STIM2: variants seen among roughly 807,000 people sequenced by gnomAD.
The protein encoded by STIM2 is stromal interaction molecule 2.
STIM2 carries 31 observed loss-of-function variants against 85.8 expected under a neutral mutation model. The ratio of observed to expected loss-of-function variants is 0.36; its 90% CI spans 0.27 to 0.49. The LOEUF (loss-of-function observed/expected upper bound fraction) is 0.49, where lower values mean the gene tolerates loss of function less well. Ranked by LOEUF, STIM2 falls within the 20% of genes least tolerant of loss-of-function variation. The pLI, the probability that STIM2 is intolerant of heterozygous loss-of-function variation, is 0.98. For synonymous variants in STIM2, 356 were observed against 331.1 expected, an observed-to-expected ratio of 1.08 and a Z score of -0.82; for missense variants, 841 against 927.6, an observed-to-expected ratio of 0.91 and a Z score of 1.21.
chr4:26,870,816 A>G (rs1198929371), intron 1 of STIM2, among the ~76,000 whole-genome samples: 1 of 152,052 alleles, frequency 6.6e-6, no homozygotes, highest in Non-Finnish European at 1.5e-5. Context: ...GCCTAAGGCT[A>G]TGTGCTGTAT....
intron 1 of STIM2, among the ~76,000 whole-genome samples, chr4:26,902,068 G>A (rs141357364): frequency 2.2e-4 from 33 of 152,160 alleles, no homozygotes; most frequent in African/African-American, 7.7e-4. Flanking sequence ...TGGGGGAATG[G>A]GAGGCACTGA....
At chr4:26,933,983 C>T (rs1725305346) in intron 2 of STIM2, among the ~76,000 whole-genome samples, 1 of 152,048 alleles carries the variant, frequency 6.6e-6, no homozygotes, top group Admixed American at 6.6e-5. Context: ...CACTTGAATT[C>T]AGGCATTTGA....
chr4:26,961,610 A>G (rs1726476245), intron 3 of STIM2, among the ~76,000 whole-genome samples: 3 of 152,184 alleles, frequency 2.0e-5, no homozygotes, highest in African/African-American at 7.2e-5. Context: ...ATAAGGTGAT[A>G]TGTACAATAA....
chr4:27,021,327 A>T, intron 11 of STIM2: 2 of 412,326 alleles, frequency 4.9e-6, no homozygotes, highest in Non-Finnish European at 9.2e-6. Flanking sequence ...AAACAAAGAC[A>T]GGTAAAAGGA....
At chr4:26,906,052 C>A (rs546629177) in intron 1 of STIM2, among the ~76,000 whole-genome samples, 1 of 151,994 alleles carries the variant, frequency 6.6e-6, no homozygotes, top group Non-Finnish European at 1.5e-5. Flanking sequence ...ATTTTTTGAT[C>A]ATTATTTTTT....
chr4:26,873,665 C>T, intron 1 of STIM2: 1 of 696,416 alleles, frequency 1.4e-6, no homozygotes, highest in Non-Finnish European at 2.6e-6. Context: ...ACGCTCATGT[C>T]ACCACTCTCT....
chr4:26,915,296 A>G (rs959660249), intron 1 of STIM2, among the ~76,000 whole-genome samples: 1 of 152,100 alleles, frequency 6.6e-6, no homozygotes, highest in Non-Finnish European at 1.5e-5. Flanking sequence ...GTGTAGTGGC[A>G]TGATCTTGAC....
chr4:26,971,525 G>C (rs775018689), intron 3 of STIM2, among the ~76,000 whole-genome samples: 1 of 152,162 alleles, frequency 6.6e-6, no homozygotes, highest in African/African-American at 2.4e-5. Flanking sequence ...TCTTGTTTTT[G>C]TCAGGTTTGT....
chr4:26,950,505 G>T (rs967642933), intron 2 of STIM2, among the ~76,000 whole-genome samples: 4 of 152,074 alleles, frequency 2.6e-5, no homozygotes, highest in African/African-American at 9.7e-5. Context: ...GAGGTGCTTA[G>T]ACTATGAGGG....
At chr4:27,007,465 C>A (rs879041522) in intron 7 of STIM2, 68 bp from the exon 8 acceptor site, 4 of 1,069,662 alleles carry the variant, frequency 3.7e-6, no homozygotes, top group Non-Finnish European at 4.9e-6. Context: ...AGTTTGGGTT[C>A]TAAAAAATAT....
intron 1 of STIM2, among the ~76,000 whole-genome samples, chr4:26,895,714 A>G (rs1192705413): frequency 6.6e-6 from 1 of 152,216 alleles, no homozygotes; most frequent in Non-Finnish European, 1.5e-5. Flanking sequence ...GTTTGTTCTC[A>G]TGAAACATTC....
At chr4:26,959,056 C>A (rs1195510867) in intron 3 of STIM2, among the ~76,000 whole-genome samples, 1 of 152,158 alleles carries the variant, frequency 6.6e-6, no homozygotes, top group African/African-American at 2.4e-5. Flanking sequence ...ATTCATCTCC[C>A]TGTGTTTGTG....
intron 2 of STIM2, among the ~76,000 whole-genome samples, chr4:26,936,442 A>G (rs527525389): frequency 6.6e-6 from 1 of 152,144 alleles, no homozygotes; most frequent in Non-Finnish European, 1.5e-5. Context: ...CTCTTATTCT[A>G]CTGTTTCTTA....
At chr4:26,877,318 T>C (rs1722847865) in intron 1 of STIM2, among the ~76,000 whole-genome samples, 1 of 152,336 alleles carries the variant, frequency 6.6e-6, no homozygotes, top group South Asian at 2.1e-4. Context: ...GCCATTTGAC[T>C]CTCTTACAGT....
At chr4:26,915,273 T>A (rs1724493238) in intron 1 of STIM2, among the ~76,000 whole-genome samples, 2 of 152,190 alleles carry the variant, frequency 1.3e-5, no homozygotes, top group Non-Finnish European at 2.9e-5. Context: ...CTCACTCTGT[T>A]ACCCAGGGTG....
chr4:26,981,265 T>C (rs916377592), intron 3 of STIM2, among the ~76,000 whole-genome samples: 2 of 152,188 alleles, frequency 1.3e-5, no homozygotes, highest in Admixed American at 1.3e-4. Flanking sequence ...GAGGATTAAA[T>C]GAGTCAACAA....
At chr4:27,013,445 T>G (rs938348943) in intron 10 of STIM2, among the ~76,000 whole-genome samples, 1 of 152,044 alleles carries the variant, frequency 6.6e-6, no homozygotes, top group Non-Finnish European at 1.5e-5. Context: ...AGGCATCCAC[T>G]GGGGTCTTAG....
intron 2 of STIM2, among the ~76,000 whole-genome samples, chr4:26,956,797 CAGTAT>C: frequency 6.6e-6 from 1 of 152,044 alleles, no homozygotes; most frequent in African/African-American, 2.4e-5. Flanking sequence ...GATATTGAGG[CAGTAT>C]ATTATGCTGT....
intron 1 of STIM2, among the ~76,000 whole-genome samples, chr4:26,912,093 G>A (rs1391241146): frequency 6.6e-6 from 1 of 152,180 alleles, no homozygotes; most frequent in Non-Finnish European, 1.5e-5. Context: ...AATATTTGAA[G>A]TATTGAAGTA....
Sources: allele counts gnomAD v4.1 joint callset (sites outside exome capture counted in the v4.1 genomes callset), GRCh38; gene constraint gnomAD v4.1.1; transcripts MANE v1.5; gene names NCBI Gene and HGNC (gene_info 2026-07-23, HGNC 2026-07-21).